The following TSGA10IP variants were observed in gnomAD, a reference collection of about 807,000 sequenced individuals.
TSGA10IP encodes the protein testis-specific protein 10-interacting protein.
In TSGA10IP, 64 loss-of-function variants were observed where a neutral mutation model predicts 63.2. The ratio of observed to expected loss-of-function variants is 1.01; its 90% CI spans 0.83 to 1.25. TSGA10IP has a LOEUF of 1.25. Among genes scored for constraint, TSGA10IP ranks in the 50% most tolerant of loss-of-function variants. TSGA10IP has a pLI of 0.00. For missense variants in TSGA10IP, 681 were observed against 710.1 expected (o/e 0.96, Z 0.47); for synonymous variants, 316 against 298.3 (o/e 1.06, Z -0.61).
chr11:65,954,452 G>A (rs1297595809), intron 5 of TSGA10IP, among the ~76,000 whole-genome samples: 1 of 151,870 alleles, frequency 6.6e-6, no homozygotes, highest in African/African-American at 2.4e-5. Flanking sequence ...GGGATTACAG[G>A]TGTGAGACAC....
In TSGA10IP at chr11:65,947,952, T is replaced by A. The variant is rs78915152; in HGVS notation, c.1004-49T>A. The A allele has an allele frequency of 1.8e-5, 28 of 1,532,768 alleles. No individual in the cohort carries two copies. The African/African-American group carries it at 3.6e-4, about 20-fold the overall frequency. The allele number at this position is 1,532,768 out of a possible 1,614,324, so 94.9% of individuals were successfully genotyped here. On this transcript the variant is annotated intron_variant, in intron 3 of 7. Coordinates refer to ENST00000532620, the Ensembl canonical transcript of TSGA10IP. ...CTGGGTGCTGGGGGGCGTTGCCTGG[T>A]GGGCTGAGAGGGAGAGGGCAGCCCC...
chr11:65,950,620 T>C, intron 4 of TSGA10IP, among the ~76,000 whole-genome samples: 1 of 151,668 alleles, frequency 6.6e-6, no homozygotes, highest in African/African-American at 2.4e-5. Context: ...TGGAGTGCAG[T>C]GGCGCGATCT....
chr11:65,946,851 G>C (rs1366018263), intron 1 of TSGA10IP, 29 bp from the exon 2 acceptor site: 1 of 1,609,848 alleles, frequency 6.2e-7, no homozygotes, highest in Non-Finnish European at 8.5e-7. Flanking sequence ...GCTCAAGCTG[G>C]CTGCTCCTCC....
chr11:65,959,096 C>G, intron 6 of TSGA10IP, 94 bp from the exon 7 acceptor site: 1 of 1,565,010 alleles, frequency 6.4e-7, no homozygotes, highest in South Asian at 1.2e-5. Flanking sequence ...GGCTGCTGCC[C>G]TCTGGAATCC....
rs768911753 is a variant in TSGA10IP, at chr11:65,953,622, CTGCGGCGGGCCCGGACACAGCATGT to C, written c.1208_1232del (p.Leu403HisfsTer30). ...GCAGGAGGAGCGGCAGCAGGCCGAG[CTGCGGCGGGCCCGGACACAGCATGT>C]ACAGCGGCAGGTGGCCCACTGCCTG... On this transcript the variant is annotated frameshift_variant, in exon 5 of 8. Coordinates refer to ENST00000532620, the Ensembl canonical transcript of TSGA10IP. LOFTEE classifies it high-confidence loss of function. The C allele has an allele frequency of 5.1e-5, 81 of 1,586,446 alleles. No individual in the cohort carries two copies. The highest frequency in any genetic ancestry group is 6.8e-5 in the Non-Finnish European group (80 of 1,169,530).
exon 1 of TSGA10IP, chr11:65,945,741 A>G (rs775420728): frequency 6.2e-7 from 1 of 1,614,026 alleles, no homozygotes; most frequent in East Asian, 2.2e-5. Flanking sequence ...CGGTGCGACC[A>G]GGGCAGGACG....
chr11:65,953,446 C>T (rs1464444962), intron 4 of TSGA10IP, 121 bp from the exon 5 acceptor site: 1 of 1,325,624 alleles, frequency 7.5e-7, no homozygotes, highest in Middle Eastern at 2.0e-4. Flanking sequence ...TCCCAGGACA[C>T]TGGCTCTGGA....
chr11:65,955,512 C>T (rs1036495557), intron 5 of TSGA10IP, among the ~76,000 whole-genome samples: 2 of 151,832 alleles, frequency 1.3e-5, no homozygotes, highest in Non-Finnish European at 2.9e-5. Context: ...ACTTGGGAGG[C>T]TGAGGCGGGA....
At chr11:65,955,503 C>T (rs1220961805) in intron 5 of TSGA10IP, among the ~76,000 whole-genome samples, 1 of 151,924 alleles carries the variant, frequency 6.6e-6, no homozygotes, top group Non-Finnish European at 1.5e-5. Flanking sequence ...GTCCCAGCTA[C>T]TTGGGAGGCT....
exon 8 of TSGA10IP, chr11:65,959,821 C>T (rs780606899): frequency 6.4e-7 from 1 of 1,559,002 alleles, no homozygotes; most frequent in South Asian, 1.2e-5. Context: ...TTGAAGGAGC[C>T]ACAGGTCAAT....
chr11:65,958,204 C>G (rs1855057539), intron 5 of TSGA10IP, among the ~76,000 whole-genome samples: 1 of 152,202 alleles, frequency 6.6e-6, no homozygotes, highest in African/African-American at 2.4e-5. Context: ...CTTGGCCTTC[C>G]AAAGTGCTGG....
chr11:65,947,785 C>A, exon 3 of TSGA10IP: 2 of 1,580,622 alleles, frequency 1.3e-6, no homozygotes, highest in Non-Finnish European at 1.7e-6. Context: ...GGCCATGGGA[C>A]CTGGAGAAGC....
intron 5 of TSGA10IP, among the ~76,000 whole-genome samples, chr11:65,956,525 A>G (rs147735403): frequency 1.1e-3 from 166 of 151,454 alleles, no homozygotes; most frequent in East Asian, 6.1e-3. Context: ...GCTTGGGCCA[A>G]TGTTTAGGGG....
intron 4 of TSGA10IP, among the ~76,000 whole-genome samples, chr11:65,949,849 G>GT (rs1854912845): frequency 2.4e-5 from 2 of 84,936 alleles, no homozygotes; most frequent in South Asian, 4.6e-4. Flanking sequence ...GCATTACCTC[G>GT]GTTTTTTTTT....
exon 3 of TSGA10IP, chr11:65,947,647 G>A (rs777964930): frequency 4.3e-6 from 7 of 1,612,666 alleles, no homozygotes; most frequent in Non-Finnish European, 5.9e-6. Context: ...GTCAGAGAAA[G>A]GGGCAGATTT....
exon 5 of TSGA10IP, chr11:65,953,615 G>T (rs1230515344): frequency 6.3e-7 from 1 of 1,587,322 alleles, no homozygotes; most frequent in Non-Finnish European, 8.6e-7. Flanking sequence ...AGCGGCAGCA[G>T]GCCGAGCTGC....
intron 5 of TSGA10IP, among the ~76,000 whole-genome samples, chr11:65,957,360 A>G (rs1325557190): frequency 6.6e-6 from 1 of 152,174 alleles, no homozygotes; most frequent in East Asian, 1.9e-4. Flanking sequence ...CATGTTGGCC[A>G]GGATGGTCTC....
In TSGA10IP at chr11:65,951,518, T is replaced by TTTATTATTATTATTATTATTA. The variant is rs4013981; in HGVS notation, c.1152-2034_1152-2014dup. Among the ~76,000 whole-genome samples the TTTATTATTATTATTATTATTA allele has an allele frequency of 8.6e-4, 120 of 139,112 alleles. 1 individual carries two copies. The highest frequency in any genetic ancestry group is 2.0e-3 in the African/African-American group (74 of 37,484). The allele number at this position is 139,112 out of a possible 152,430, so 91.3% of individuals were successfully genotyped here. On this transcript the variant is annotated intron_variant, in intron 4 of 7. Coordinates refer to ENST00000532620, the Ensembl canonical transcript of TSGA10IP. ...ATGTCTATTTGGGTTATTTGCTTAT[T>TTTATTATTATTATTATTATTA]TTATTATTATTATTATTATTATTAT...
chr11:65,953,556 T>TC lies in TSGA10IP; in HGVS notation c.1152-10dup, dbSNP rs547398014. The TC allele has an allele frequency of 2.1e-3, 3,317 of 1,562,650 alleles. 6 individuals are homozygous for TC. Among genetic ancestry groups the TC allele is most frequent in the Admixed American group, 3.7e-3 (193 of 52,052 alleles). On this transcript the variant is annotated splice_polypyrimidine_tract_variant and intron_variant, in intron 4 of 7. Transcript: ENST00000532620. ...GTGAACCTCTCATTCCCCTTCCCTT[T>TC]CTCACCCAAGGAGCCTGCTGCAGGC...
Sources: allele counts gnomAD v4.1 joint callset (sites outside exome capture counted in the v4.1 genomes callset), GRCh38; gene constraint gnomAD v4.1.1; transcripts MANE v1.5; gene names NCBI Gene and HGNC (gene_info 2026-07-23, HGNC 2026-07-21).